The following CARMIL2 variants were observed in gnomAD, a reference collection of about 807,000 sequenced individuals.
CARMIL2 encodes capping protein regulator and myosin 1 linker 2.
Under a neutral mutation model 173.3 loss-of-function variants are expected in CARMIL2, and 96 were observed. The ratio of observed to expected loss-of-function variants is 0.55; its 90% CI spans 0.47 to 0.66. The LOEUF (loss-of-function observed/expected upper bound fraction) is 0.66. Among genes scored for constraint, CARMIL2 ranks in the 30% least tolerant of loss-of-function variants. CARMIL2 has a pLI of 0.00. For missense variants in CARMIL2, 1,771 were observed against 1,906.7 expected (o/e 0.93, Z 1.33); for synonymous variants, 830 against 817.1 (o/e 1.02, Z -0.27).
Position 67,654,399 on chromosome 16 carries a change from A to C in CARMIL2, c.3289A>C (p.Lys1097Gln). The C allele has an allele frequency of 2.5e-6, 4 of 1,610,080 alleles. No individual in the cohort carries two copies. The highest frequency in any genetic ancestry group is 3.4e-6 in the Non-Finnish European group (4 of 1,178,542). Residue 1097 changes from lysine (K) to glutamine (Q), a missense_variant, in exon 31 of 38, where the codon AAG becomes CAG. Coordinates refer to ENST00000334583, the MANE Select transcript of CARMIL2 (RefSeq NM_001013838.3). The stretch of plus-strand genomic sequence containing the variant: ...TCCTGTCCCCCGTACACTGCGAAAG[A>C]AGCTGGGCACCCTCTTTGCCTTCAA... The part of the protein sequence containing the change: ...ATPVPRTLRK[K>Q]LGTLFAFKKP...
intron 32 of CARMIL2, 112 bp from the exon 33 acceptor site, chr16:67,655,919 T>C (rs990382379): frequency 2.6e-5 from 34 of 1,292,560 alleles, no homozygotes; most frequent in Non-Finnish European, 3.7e-5. Flanking sequence ...GCCATGTTCT[T>C]GTCCAGCCCA....
Position 67,651,123 on chromosome 16 carries a change from A to T in CARMIL2, c.2185-64A>T. On this transcript the variant is annotated intron_variant, in intron 22 of 37. Coordinates refer to ENST00000334583, the MANE Select transcript of CARMIL2 (RefSeq NM_001013838.3). The surrounding 1 kb of genome is among the most constrained non-coding windows in gnomAD (Gnocchi z 4.2). ...CCCTCTGTTAAAGAGCCTGGGAGGA[A>T]GGCAGGCAGGATCTGGGAGACTGGG... The T allele has an allele frequency of 6.4e-7, 1 of 1,561,766 alleles. No homozygotes were observed. Among genetic ancestry groups the T allele is most frequent in the Non-Finnish European group, 8.7e-7 (1 of 1,149,152 alleles).
In CARMIL2 at chr16:67,648,123, G is replaced by A. The variant is rs1474629504; in HGVS notation, c.1143G>A (p.Leu381=). ...ATCTCGCAGGCACCGACACTGCCCTGGACACTGTGAGGGGGTGCTCCGTGG... is the reference window on the plus strand; with the variant it reads ...ATCTCGCAGGCACCGACACTGCCCTAGACACTGTGAGGGGGTGCTCCGTGG... ...FLNLAGTDTA[L]DTVRGCSVGG... is the part of the protein sequence containing the mutation. The change falls in exon 14 of 38, where the codon CTG becomes CTA. Residue 381 remains leucine (L), a synonymous_variant. Coordinates refer to ENST00000334583, the MANE Select transcript of CARMIL2 (RefSeq NM_001013838.3). The surrounding 1 kb of genome is among the most constrained non-coding windows in gnomAD (Gnocchi z 6.1). The A allele has an allele frequency of 9.3e-6, 15 of 1,612,908 alleles. No individual in the cohort carries two copies. Among genetic ancestry groups the A allele is most frequent in the African/African-American group, 2.7e-5 (2 of 74,832 alleles).
In CARMIL2 at chr16:67,649,029, C is replaced by G. The variant is rs868562203; in HGVS notation, c.1592-47C>G. On this transcript the variant is annotated intron_variant, in intron 17 of 37. Transcript: ENST00000334583. This position sits in a 1 kb window ranked among gnomAD's most constrained non-coding sequence, Gnocchi z 6.7. Reference sequence around the variant, plus strand: ...TCATCCACTCGATTCCCAATCCCCACCCTACCCTTGCAACTTCGCCTCGTG... The same window carrying G: ...TCATCCACTCGATTCCCAATCCCCAGCCTACCCTTGCAACTTCGCCTCGTG... 6.2e-7 allele frequency: 1 copy of G among 1,603,278 alleles called. No individual in the cohort carries two copies. The highest frequency in any genetic ancestry group is 1.7e-5 in the Admixed American group (1 of 58,192).
Position 67,645,608 on chromosome 16 carries a change from G to A in CARMIL2, c.109G>A (p.Gly37Ser). The A allele has an allele frequency of 6.2e-7, 1 of 1,613,584 alleles. No homozygotes were observed. The highest frequency in any genetic ancestry group is 8.5e-7 in the Non-Finnish European group (1 of 1,179,836). Residue 37 changes from glycine to serine, a missense_variant, in exon 2 of 38, where the codon GGT becomes AGT. Gly to Ser is a moderately conservative substitution (Grantham distance 56, BLOSUM62 0). Around this residue, in one of 3 missense-constraint regions of CARMIL2, gnomAD observed 944 missense variants for 975.6 expected, o/e 0.97. Transcript: ENST00000334583. ...LLLKTWLPGE[G>S]AVQNHVLALL... ...GCTGAAAACCTGGCTACCCGGGGAG[G>A]GTGCTGTGCAAAACCATGTCCTGGT...
Position 67,648,634 on chromosome 16 carries a change from C to G in CARMIL2, c.1440-51C>G. 1.3e-6 allele frequency: 2 copies of G among 1,554,538 alleles called. No homozygotes were observed. Among genetic ancestry groups the G allele is most frequent in the Non-Finnish European group, 1.7e-6 (2 of 1,143,416 alleles). On this transcript the variant is annotated intron_variant, in intron 15 of 37. Coordinates refer to ENST00000334583, the MANE Select transcript of CARMIL2 (RefSeq NM_001013838.3). This position sits in a 1 kb window ranked among gnomAD's most constrained non-coding sequence, Gnocchi z 6.1. ...TGGCCCTGCCTCCTTCGTTCGCACC[C>G]TGGAGCCCCCTGTCCCAGCTCCCGC...
rs2142918816 is a variant in CARMIL2 at position 67,648,168 on chromosome 16, G to A, written c.1188G>A (p.Arg396=). 1 of 1,611,504 alleles carries A rather than the reference G, an allele frequency of 6.2e-7. No homozygotes were observed. Among genetic ancestry groups the A allele is most frequent in the Non-Finnish European group, 8.5e-7 (1 of 1,179,072 alleles). Residue 396 remains arginine (R), a synonymous_variant, in exon 14 of 38, where the codon AGG becomes AGA. Transcript: ENST00000334583. The surrounding 1 kb of genome is among the most constrained non-coding windows in gnomAD (Gnocchi z 6.1). The part of the protein sequence containing the change: ...GCSVGGWMTG[R]ADWRAGRGGL... The stretch of plus-strand genomic sequence containing the variant: ...CCGTGGGGGGATGGATGACCGGCAG[G>A]GCGGACTGGAGGGCGGGACGGGGAG...
rs1269469071 is a variant in CARMIL2 at position 67,656,765 on chromosome 16, C to CTGT, written c.4037-33_4037-31dup. The CTGT allele has an allele frequency of 1.9e-6, 3 of 1,549,546 alleles. No homozygotes were observed. The African/African-American group carries it at 4.1e-5, about 21-fold the overall frequency. On this transcript the variant is annotated intron_variant, in intron 35 of 37. Transcript: ENST00000334583. The stretch of plus-strand genomic sequence containing the variant: ...GAGGCAAGGGCTGGAGTGGGGGCAG[C>CTGT]TGTTGGAATACCCCTGATTCCCTGG...
Position 67,652,968 on chromosome 16 carries a change from G to T in CARMIL2, c.2885-51G>T. 1 of 1,036,036 alleles carries T rather than the reference G, an allele frequency of 9.7e-7. No homozygotes were observed. Among genetic ancestry groups the T allele is most frequent in the South Asian group, 1.7e-5 (1 of 60,022 alleles). 64.2% of individuals were successfully genotyped at this position (1,036,036 alleles called of 1,614,324 possible). A position where few individuals can be genotyped will look rare whatever the true frequency, so the allele number is the denominator to read the frequency against. On this transcript the variant is annotated intron_variant, in intron 28 of 37. Coordinates refer to ENST00000334583, the MANE Select transcript of CARMIL2 (RefSeq NM_001013838.3). The surrounding 1 kb of genome is among the most constrained non-coding windows in gnomAD (Gnocchi z 4.7). ...CCCCCGCCGCCCTAGCGCCTCCGCCGCCACCTCCCCGGGCTCGGCGCTCGG... is the reference window on the plus strand; with the variant it reads ...CCCCCGCCGCCCTAGCGCCTCCGCCTCCACCTCCCCGGGCTCGGCGCTCGG...
intron 10 of CARMIL2, 46 bp downstream of exon 10, chr16:67,647,433 G>T: frequency 6.4e-7 from 1 of 1,558,010 alleles, no homozygotes. Context: ...CTGGAGGCTT[G>T]GGACTGGGGG....
In CARMIL2 at chr16:67,650,047, A is replaced by C; in HGVS notation, c.2083-2A>C. ...GCATTTCTCAATACCCCTTGCCCCT[A>C]GATCCAAGCCTGTCTCTTGAGGAAC... is the stretch of plus-strand genomic sequence containing the variant. On this transcript the variant is annotated splice_acceptor_variant, in intron 21 of 37. Coordinates refer to ENST00000334583, the MANE Select transcript of CARMIL2 (RefSeq NM_001013838.3). LOFTEE classifies it high-confidence loss of function. The C allele has an allele frequency of 6.2e-7, 1 of 1,613,728 alleles. No individual in the cohort carries two copies. Among genetic ancestry groups the C allele is most frequent in the Non-Finnish European group, 8.5e-7 (1 of 1,179,828 alleles).
rs772486345 is a variant in CARMIL2, at chr16:67,647,884, G to A, written c.997G>A (p.Ala333Thr). ...GGGCCGGGCACTGGCCACCAATGCC[G>A]CCTTCGACTCCACCCTGACCCACCT... ...ALGRALATNA[A>T]FDSTLTHLDL... The change falls in exon 13 of 38, where the codon GCC (alanine) becomes ACC (threonine). Residue 333 changes from alanine to threonine, a missense_variant. By Grantham distance (58) the Ala-to-Thr change is moderately conservative (BLOSUM62 0). This residue lies in a region of CARMIL2 where 944 missense variants were observed against 975.6 expected (regional missense o/e 0.97). Coordinates refer to ENST00000334583, the MANE Select transcript of CARMIL2 (RefSeq NM_001013838.3). 17 of 1,611,036 alleles carry A rather than the reference G, an allele frequency of 1.1e-5. No individual in the cohort carries two copies. Among genetic ancestry groups the A allele is most frequent in the Admixed American group, 8.4e-5 (5 of 59,788 alleles).
rs761855724 is a variant in CARMIL2, at chr16:67,648,858, G to T, written c.1510-35G>T. The T allele has an allele frequency of 6.3e-7, 1 of 1,586,656 alleles. No homozygotes were observed. The highest frequency in any genetic ancestry group is 1.8e-5 in the Admixed American group (1 of 55,738). The stretch of plus-strand genomic sequence containing the variant: ...CCCCTCCCCACTCGCGGCCTAAGTG[G>T]GTCCCACTTCCCACCTCCCACCTCC... On this transcript the variant is annotated intron_variant, in intron 16 of 37. Transcript: ENST00000334583. This position sits in a 1 kb window ranked among gnomAD's most constrained non-coding sequence, Gnocchi z 6.1.
Position 67,651,151 on chromosome 16 carries a change from G to A in CARMIL2, c.2185-36G>A, listed in dbSNP as rs200170482. 9.0e-5 allele frequency: 143 copies of A among 1,596,516 alleles called. 1 individual carries two copies. The East Asian group carries it at 3.2e-3, about 36-fold the overall frequency. On this transcript the variant is annotated intron_variant, in intron 22 of 37. Transcript: ENST00000334583. The surrounding 1 kb of genome is among the most constrained non-coding windows in gnomAD (Gnocchi z 4.2). ...CAGGCAGGATCTGGGAGACTGGGAG[G>A]GGGCTAGGCTGAGACTGATCCCCAT...
Position 67,646,574 on chromosome 16 carries a change from G to T in CARMIL2, c.466+57G>T. The T allele has an allele frequency of 6.3e-7, 1 of 1,592,134 alleles. No homozygotes were observed. Among genetic ancestry groups the T allele is most frequent in the East Asian group, 2.2e-5 (1 of 44,644 alleles). ...AGCCTGCCCCACCTCTGCCTCCCCA[G>T]ACCCGCAAGCTGGGGGGGCCCCAAA... On this transcript the variant is annotated intron_variant, in intron 6 of 37. Transcript: ENST00000334583. The surrounding 1 kb of genome is among the most constrained non-coding windows in gnomAD (Gnocchi z 4.6).
chr16:67,651,362 G>C lies in CARMIL2; in HGVS notation c.2314-39G>C, dbSNP rs745948006. On this transcript the variant is annotated intron_variant, in intron 23 of 37. Coordinates refer to ENST00000334583, the MANE Select transcript of CARMIL2 (RefSeq NM_001013838.3). This position sits in a 1 kb window ranked among gnomAD's most constrained non-coding sequence, Gnocchi z 4.2. ...ACAAGGACCCTTCCCCTCTTAGTCAGGTGTCAGCTCGCAACTGCTTTTCCT... is the reference window on the plus strand; with the variant it reads ...ACAAGGACCCTTCCCCTCTTAGTCACGTGTCAGCTCGCAACTGCTTTTCCT... The C allele has an allele frequency of 1.2e-5, 19 of 1,604,614 alleles. No homozygotes were observed. Among genetic ancestry groups the C allele is most frequent in the Non-Finnish European group, 1.6e-5 (19 of 1,173,046 alleles).
At chr16:67,647,476 G>A (rs777940293) in intron 10 of CARMIL2, 32 bp from the exon 11 acceptor site, 9 of 1,574,570 alleles carry the variant, frequency 5.7e-6, no homozygotes, top group Non-Finnish European at 6.9e-6. Flanking sequence ...CAAACCAGGG[G>A]CAGAATCTCA....
In CARMIL2 at chr16:67,652,974, T is replaced by C; in HGVS notation, c.2885-45T>C. ...CCGCCCTAGCGCCTCCGCCGCCACC[T>C]CCCCGGGCTCGGCGCTCGGTGCTCT... On this transcript the variant is annotated intron_variant, in intron 28 of 37. Coordinates refer to ENST00000334583, the MANE Select transcript of CARMIL2 (RefSeq NM_001013838.3). The surrounding 1 kb of genome is among the most constrained non-coding windows in gnomAD (Gnocchi z 4.7). 1.8e-6 allele frequency: 2 copies of C among 1,087,134 alleles called. No homozygotes were observed. Among genetic ancestry groups the C allele is most frequent in the Admixed American group, 3.7e-5 (1 of 27,190 alleles). 67.3% of individuals were successfully genotyped at this position (1,087,134 alleles called of 1,614,324 possible).
At chr16:67,655,090 C>T (rs1450832490) in intron 32 of CARMIL2, among the ~76,000 whole-genome samples, 190 bp downstream of exon 32, 1 of 152,244 alleles carries the variant, frequency 6.6e-6, no homozygotes, top group Non-Finnish European at 1.5e-5. Context: ...CCACCAGCAT[C>T]TCCTCTTTGG....
Sources: gnomAD v4.1 joint callset for allele counts (sites outside exome capture counted in the v4.1 genomes callset) on GRCh38, gnomAD v4.1.1 for gene constraint, gnomAD v4.1.1 regional missense constraint, Gnocchi (gnomAD v3.1) non-coding constraint, MANE v1.5 for transcripts, NCBI Gene and HGNC (gene_info 2026-07-23, HGNC 2026-07-21) for gene names.